The following ZNF816 variants were observed in gnomAD, a reference collection of about 807,000 sequenced individuals.
The protein encoded by ZNF816 is zinc finger protein 816A.
ZNF816 carries 11 observed loss-of-function variants against 8.3 expected under a neutral mutation model. That is an observed-to-expected ratio of 1.32 (90% CI 0.83 to 2.19). The LOEUF is 2.19. Among genes scored for constraint, ZNF816 ranks in the 30% most tolerant of loss-of-function variants. ZNF816 has a pLI of 0.00. For synonymous variants in ZNF816, 255 were observed against 254.5 expected (o/e 1.00, Z -0.02); for missense variants, 710 against 779.3 (o/e 0.91, Z 1.06).
chr19:52,955,047 A>C (rs2083497993), intron 2 of ZNF816, among the ~76,000 whole-genome samples: 1 of 152,134 alleles, frequency 6.6e-6, no homozygotes, highest in Admixed American at 6.5e-5. Context: ...GTTTAAAATA[A>C]AAGAATTACT....
chr19:52,953,525 AT>A (rs2083480786), intron 2 of ZNF816: 1 of 50,042 alleles, frequency 2.0e-5, no homozygotes, highest in South Asian at 5.5e-4. Context: ...ATATATATTT[AT>A]AATATATAAT....
At chr19:52,951,713 T>C (rs1404398121) in intron 3 of ZNF816, 129 bp from the exon 4 acceptor site, 2 of 908,258 alleles carry the variant, frequency 2.2e-6, no homozygotes, top group Non-Finnish European at 3.2e-6. Context: ...ATCTTCATAG[T>C]TTAAGAACAC....
intron 1 of ZNF816, among the ~76,000 whole-genome samples, chr19:52,958,859 G>A (rs571599579): frequency 1.1e-4 from 16 of 152,262 alleles, no homozygotes; most frequent in Middle Eastern, 3.4e-3. Flanking sequence ...GCCTCTGTAC[G>A]GAGTCACAAA....
At chr19:52,952,619 A>T in intron 3 of ZNF816, 132 bp downstream of exon 3, 1 of 1,518,936 alleles carries the variant, frequency 6.6e-7, no homozygotes, top group Non-Finnish European at 8.8e-7. Flanking sequence ...TAGGAGGGTC[A>T]TCACCGCAGA....
In ZNF816 at chr19:52,950,933, C is replaced by CTTA; in HGVS notation, c.841_842insTAA (p.Gly281delinsValSer). 6.2e-7 allele frequency: 1 copy of CTTA among 1,614,164 alleles called. No homozygotes were observed. The highest frequency in any genetic ancestry group is 8.5e-7 in the Non-Finnish European group (1 of 1,180,020). ...CTCATTACACTTGTAAGTTTTCTCACCAGTGTGACATCTATGATGATATAC... is the reference window on the plus strand; with the variant it reads ...CTCATTACACTTGTAAGTTTTCTCACTTACAGTGTGACATCTATGATGATATAC... On this transcript the variant is annotated protein_altering_variant, in exon 4 of 4. Transcript: ENST00000444460.
In ZNF816 at chr19:52,950,141, GCCTTGTCACAAA is replaced by G; in HGVS notation, c.1622_1633del (p.Val541_Lys544del). The G allele has an allele frequency of 6.2e-7, 1 of 1,613,188 alleles. No homozygotes were observed. Among genetic ancestry groups the G allele is most frequent in the Non-Finnish European group, 8.5e-7 (1 of 1,179,750 alleles). On this transcript the variant is annotated inframe_deletion, in exon 4 of 4. Transcript: ENST00000444460. ...TGCAAGGCATGAATCACTCCGGAAA[GCCTTGTCACAAA>G]CCTTACATTTGTATGGTTTTTCCCC...
chr19:52,962,075 C>A (rs1307364672), intron 1 of ZNF816, among the ~76,000 whole-genome samples: 1 of 152,172 alleles, frequency 6.6e-6, no homozygotes, highest in Admixed American at 6.5e-5. Flanking sequence ...TTAAACCACA[C>A]TGAAAAGAAC....
chr19:52,950,208 G>C lies in ZNF816; in HGVS notation c.1567C>G (p.His523Asp). 5 of 1,613,738 alleles carry C rather than the reference G, an allele frequency of 3.1e-6. No individual in the cohort carries two copies. Among genetic ancestry groups the C allele is most frequent in the Non-Finnish European group, 4.2e-6 (5 of 1,179,942 alleles). ...ECDKVFSRRS[H>D]LERHRRIHTG... ...TGAATTCTCCTATGTCTTTCAAGGT[G>C]TGATCTGCGACTGAAAACTTTGTCA... is the stretch of plus-strand genomic sequence containing the variant. The change falls in exon 4 of 4, where the codon CAC (histidine) becomes GAC (aspartate). Residue 523 changes from histidine (H) to aspartate (D), a missense_variant. Transcript: ENST00000444460.
intron 1 of ZNF816, among the ~76,000 whole-genome samples, chr19:52,960,873 G>A (rs1034244535): frequency 8.5e-5 from 13 of 152,174 alleles, no homozygotes; most frequent in Non-Finnish European, 1.6e-4. Context: ...TGAAGAAGAC[G>A]ACAAGCCCTG....
In ZNF816 at chr19:52,951,444, G is replaced by A; in HGVS notation, c.331C>T (p.His111Tyr). ...TCTTGCCACTGAAACTCAAAGTGAT[G>A]AATATCTTTCTTCATTTCTGGGAAG... ...FCFPEMKKDI[H>Y]HFEFQWQEVE... Residue 111 changes from histidine to tyrosine, a missense_variant, in exon 4 of 4, where the codon CAT (histidine) becomes TAT (tyrosine). By Grantham distance (83) the His-to-Tyr change is moderately conservative. Coordinates refer to ENST00000444460, the MANE Select transcript of ZNF816 (RefSeq NM_001202457.3). The A allele has an allele frequency of 1.9e-6, 3 of 1,614,002 alleles. No individual in the cohort carries two copies. The highest frequency in any genetic ancestry group is 3.3e-4 in the Middle Eastern group (2 of 6,060).
rs1191311884 is a variant in ZNF816, at chr19:52,950,933, C to T, written c.842G>A (p.Gly281Asp). ...YIVYHHRCHT[G>D]EKTYKCNECG... ...CTCATTACACTTGTAAGTTTTCTCA[C>T]CAGTGTGACATCTATGATGATATAC... The change falls in exon 4 of 4, where the codon GGT becomes GAT. Residue 281 changes from glycine (G) to aspartate (D), a missense_variant. Coordinates refer to ENST00000444460, the MANE Select transcript of ZNF816 (RefSeq NM_001202457.3). 2 of 1,614,046 alleles carry T rather than the reference C, an allele frequency of 1.2e-6. No individual in the cohort carries two copies. The highest frequency in any genetic ancestry group is 1.7e-6 in the Non-Finnish European group (2 of 1,180,028).
intron 2 of ZNF816, chr19:52,953,495 T>C: frequency 9.8e-6 from 1 of 102,470 alleles, no homozygotes; most frequent in African/African-American, 6.3e-5. Context: ...AATATATATT[T>C]TAATATTTAA....
At chr19:52,955,205 A>C (rs1350995647) in intron 2 of ZNF816, among the ~76,000 whole-genome samples, 1 of 151,566 alleles carries the variant, frequency 6.6e-6, no homozygotes, top group Non-Finnish European at 1.5e-5. Flanking sequence ...AACAAAAAAC[A>C]AAAAAAAAGT....
At chr19:52,958,858 C>T (rs144517770) in intron 1 of ZNF816, among the ~76,000 whole-genome samples, 3 of 152,280 alleles carry the variant, frequency 2.0e-5, no homozygotes, top group East Asian at 3.9e-4. Flanking sequence ...AGCCTCTGTA[C>T]GGAGTCACAA....
chr19:52,950,962 G>A lies in ZNF816; in HGVS notation c.813C>T (p.Tyr271=). 6.2e-7 allele frequency: 1 copy of A among 1,614,150 alleles called. No individual in the cohort carries two copies. The highest frequency in any genetic ancestry group is 8.5e-7 in the Non-Finnish European group (1 of 1,180,026). The change falls in exon 4 of 4, where the codon TAC becomes TAT. Residue 271 remains tyrosine (Y), a synonymous_variant. Coordinates refer to ENST00000444460, the MANE Select transcript of ZNF816 (RefSeq NM_001202457.3). ...VCGKIFNQKQ[Y]IVYHHRCHTG... ...TGTGACATCTATGATGATATACAAT[G>A]TATTGCTTCTGATTAAAGATCTTGC...
At chr19:52,955,989 G>A (rs1600724067) in intron 2 of ZNF816, 38 bp downstream of exon 2, 1 of 1,587,086 alleles carries the variant, frequency 6.3e-7, no homozygotes, top group African/African-American at 1.4e-5. Context: ...CTTCAGAAAG[G>A]AAAGAGACAG....
At chr19:52,962,237 C>T (rs557728692) in intron 1 of ZNF816, among the ~76,000 whole-genome samples, 1 of 152,272 alleles carries the variant, frequency 6.6e-6, no homozygotes, top group East Asian at 1.9e-4. Context: ...TCTGTAGGCA[C>T]AGAGACCCAT....
chr19:52,950,097 T>C lies in ZNF816; in HGVS notation c.1678A>G (p.Thr560Ala). ...TTACACTTGTAAGGTTTCTCTCCAG[T>C]ATGAACTCTCGTATGGTTTGCAAGG... is the stretch of plus-strand genomic sequence containing the variant. ...SCLANHTRVH[T>A]GEKPYKCNKC... Residue 560 changes from threonine to alanine, a missense_variant, in exon 4 of 4, where the codon ACT becomes GCT. By Grantham distance (58) the Thr-to-Ala change is moderately conservative. Coordinates refer to ENST00000444460, the MANE Select transcript of ZNF816 (RefSeq NM_001202457.3). 1 of 1,614,100 alleles carries C rather than the reference T, an allele frequency of 6.2e-7. No homozygotes were observed. Among genetic ancestry groups the C allele is most frequent in the South Asian group, 1.1e-5 (1 of 91,066 alleles).
rs1491270016 is a variant in ZNF816 at position 52,951,006 on chromosome 19, ATT to A, written c.767_768del (p.Glu256ValfsTer2). On this transcript the variant is annotated frameshift_variant, in exon 4 of 4. Transcript: ENST00000444460. LOFTEE classifies it low-confidence loss of function (END_TRUNC). ...RHHITHSRER[E>X]YKCDVCGKIF... is the part of the protein sequence containing the mutation. ...ATCTTGCCACATACATCACATTTAT[ATT>A]CTCTCTCTCTTGAATGGGTTATGTG... The A allele has an allele frequency of 1.2e-6, 2 of 1,614,168 alleles. No homozygotes were observed. Among genetic ancestry groups the A allele is most frequent in the Admixed American group, 3.3e-5 (2 of 60,028 alleles).
Sources: allele counts gnomAD v4.1 joint callset (sites outside exome capture counted in the v4.1 genomes callset), GRCh38; gene constraint gnomAD v4.1.1; transcripts MANE v1.5; gene names NCBI Gene and HGNC (gene_info 2026-07-23, HGNC 2026-07-21).